Variants in CNTNAP2 observed in about 807,000 individuals in gnomAD.
CNTNAP2 encodes the protein contactin-associated protein-like 2.
CNTNAP2 carries 98 observed loss-of-function variants against 155.2 expected under a neutral mutation model. That is an observed-to-expected ratio of 0.63 (90% CI 0.54 to 0.75). The LOEUF is 0.75. CNTNAP2 is among the 30% of genes least tolerant of loss of function. The pLI, the probability that CNTNAP2 is intolerant of heterozygous loss-of-function variation, is 0.00. For synonymous variants in CNTNAP2, 651 were observed against 631.2 expected (o/e 1.03, Z -0.47); for missense variants, 1,727 against 1,688.1 (o/e 1.02, Z -0.40).
intron 21 of CNTNAP2, among the ~76,000 whole-genome samples, chr7:148,367,838 G>A (rs1229575975): frequency 6.6e-6 from 1 of 152,012 alleles, no homozygotes; most frequent in Non-Finnish European, 1.5e-5. Flanking sequence ...TTTTCTTCGA[G>A]GTGCCACAGC....
At chr7:148,351,914 G>C (rs1798434598) in intron 21 of CNTNAP2, among the ~76,000 whole-genome samples, 1 of 151,992 alleles carries the variant, frequency 6.6e-6, no homozygotes. Context: ...CTCAATATGT[G>C]ACCCCTACCT....
chr7:148,026,596 C>A (rs1802379919), intron 15 of CNTNAP2, among the ~76,000 whole-genome samples: 1 of 152,122 alleles, frequency 6.6e-6, no homozygotes. Context: ...CTTGATTTGC[C>A]TCCTGCAGGC....
At chr7:148,316,514 G>A (rs538562871) in intron 21 of CNTNAP2, among the ~76,000 whole-genome samples, 1 of 152,210 alleles carries the variant, frequency 6.6e-6, no homozygotes, top group South Asian at 2.1e-4. Flanking sequence ...GGGATGTGAG[G>A]ATCTCAGAGG....
chr7:146,441,383 T>C (rs527975961), intron 1 of CNTNAP2, among the ~76,000 whole-genome samples: 2 of 151,646 alleles, frequency 1.3e-5, no homozygotes, highest in East Asian at 3.9e-4. Flanking sequence ...AAGTCATCTC[T>C]CTATGCGGTA....
chr7:146,472,290 A>C (rs1050104636), intron 1 of CNTNAP2, among the ~76,000 whole-genome samples: 3 of 152,184 alleles, frequency 2.0e-5, no homozygotes, highest in Non-Finnish European at 2.9e-5. Context: ...CACTATTTAC[A>C]GTGAAGTTTT....
In CNTNAP2 at chr7:147,306,611, T is replaced by A. The variant is rs556520782; in HGVS notation, c.1498+6321T>A. 2.0e-5 allele frequency among the ~76,000 whole-genome samples: 3 copies of A among 152,352 alleles called. No individual in the cohort carries two copies. The South Asian group carries it at 6.2e-4, about 32-fold the overall frequency. ...AATGTATCATTGGTTTGAAAGCACA[T>A]TCTACGTGGAACTAACCGAATGTTG... On this transcript the variant is annotated intron_variant, in intron 9 of 23. Transcript: ENST00000361727.
chr7:148,061,512 C>T (rs1264560190), intron 15 of CNTNAP2, among the ~76,000 whole-genome samples: 2 of 152,018 alleles, frequency 1.3e-5, no homozygotes, highest in Non-Finnish European at 2.9e-5. Flanking sequence ...CGCCATCACG[C>T]CTGGCTAATT....
intron 19 of CNTNAP2, among the ~76,000 whole-genome samples, chr7:148,226,601 T>C (rs1795854304): frequency 6.6e-6 from 1 of 150,610 alleles, no homozygotes; most frequent in Non-Finnish European, 1.5e-5. Flanking sequence ...TTAACGGGTA[T>C]ATGACCTTCC....
chr7:146,186,142 G>A (rs529213075), intron 1 of CNTNAP2, among the ~76,000 whole-genome samples: 1 of 152,126 alleles, frequency 6.6e-6, no homozygotes, highest in African/African-American at 2.4e-5. Context: ...TAAAATGTGT[G>A]CTAAATTCTA....
At chr7:147,373,181 C>G (rs1201570377) in intron 9 of CNTNAP2, among the ~76,000 whole-genome samples, 3 of 152,008 alleles carry the variant, frequency 2.0e-5, no homozygotes, top group Non-Finnish European at 4.4e-5. Flanking sequence ...CAGGCTCTCT[C>G]TATTTAGAGG....
In CNTNAP2 at chr7:147,220,484, A is replaced by G. The variant is rs77309816; in HGVS notation, c.1349-79657A>G. Among the ~76,000 whole-genome samples, 12 of 152,326 alleles carry G rather than the reference A, an allele frequency of 7.9e-5. No individual in the cohort carries two copies. In the East Asian group the frequency reaches 2.1e-3, roughly 27 times the overall value. ...AGACAATTGATGTTCAAAACTGATTATTGATATAGTTGTAATAATATCTAC... is the reference window on the plus strand; with the variant it reads ...AGACAATTGATGTTCAAAACTGATTGTTGATATAGTTGTAATAATATCTAC... On this transcript the variant is annotated intron_variant, in intron 8 of 23. Coordinates refer to ENST00000361727, the MANE Select transcript of CNTNAP2 (RefSeq NM_014141.6).
intron 10 of CNTNAP2, among the ~76,000 whole-genome samples, chr7:147,465,125 A>T (rs180830814): frequency 3.2e-4 from 48 of 152,312 alleles, no homozygotes; most frequent in African/African-American, 1.1e-3. Flanking sequence ...ACAAAGATAG[A>T]AAGAGTAGAC....
chr7:146,171,856 A>G (rs1210195322), intron 1 of CNTNAP2, among the ~76,000 whole-genome samples: 1 of 152,088 alleles, frequency 6.6e-6, no homozygotes, highest in African/African-American at 2.4e-5. Context: ...GTTTAAATTA[A>G]TTAAAATTAT....
chr7:147,007,198 G>A (rs1798542008), intron 3 of CNTNAP2, among the ~76,000 whole-genome samples: 1 of 152,132 alleles, frequency 6.6e-6, no homozygotes, highest in African/African-American at 2.4e-5. Flanking sequence ...CGCTACTGGG[G>A]AAAGTCCCTA....
intron 13 of CNTNAP2, among the ~76,000 whole-genome samples, chr7:147,795,004 G>C (rs1349776597): frequency 1.3e-5 from 2 of 151,502 alleles, no homozygotes; most frequent in Non-Finnish European, 3.0e-5. Context: ...CTAGTTCACA[G>C]TTTGTCCATT....
chr7:146,425,018 T>C (rs1292762635), intron 1 of CNTNAP2, among the ~76,000 whole-genome samples: 1 of 152,162 alleles, frequency 6.6e-6, no homozygotes, highest in African/African-American at 2.4e-5. Context: ...TATTAATCAC[T>C]AGGTATAAAA....
intron 10 of CNTNAP2, among the ~76,000 whole-genome samples, chr7:147,420,089 C>T (rs1158589551): frequency 6.6e-6 from 1 of 152,120 alleles, no homozygotes; most frequent in Non-Finnish European, 1.5e-5. Context: ...AAAACAAAAA[C>T]AGAAACTTGC....
intron 11 of CNTNAP2, among the ~76,000 whole-genome samples, chr7:147,532,285 CAT>C (rs1246093158): frequency 6.6e-6 from 1 of 152,208 alleles, no homozygotes; most frequent in East Asian, 1.9e-4. Context: ...AAGTTCCACA[CAT>C]CTCTAGGGCA....
At chr7:147,794,620 C>T (rs537808685) in intron 13 of CNTNAP2, among the ~76,000 whole-genome samples, 4 of 151,816 alleles carry the variant, frequency 2.6e-5, no homozygotes, top group South Asian at 2.1e-4. Context: ...GTCTTTTTCT[C>T]GTTTCAGCAT....
Sources: allele counts gnomAD v4.1 joint callset (sites outside exome capture counted in the v4.1 genomes callset), GRCh38; gene constraint gnomAD v4.1.1; transcripts MANE v1.5; gene names NCBI Gene and HGNC (gene_info 2026-07-23, HGNC 2026-07-21).